SEMA6D: variants seen among roughly 807,000 people sequenced by gnomAD.
SEMA6D encodes semaphorin 6D, also known as semaphorin-6D.
SEMA6D carries 35 observed loss-of-function variants against 106.6 expected under a neutral mutation model. That is an observed-to-expected ratio of 0.33 (90% CI 0.25 to 0.44). The LOEUF is 0.44. Ranked by LOEUF, SEMA6D falls within the 20% of genes least tolerant of loss-of-function variation. SEMA6D has a pLI of 1.00. For missense variants in SEMA6D, 1,185 were observed against 1,345.9 expected (o/e 0.88, Z 1.87); for synonymous variants, 499 against 487.7 (o/e 1.02, Z -0.31).
chr15:47,608,362 T>A (rs1162978249), intron 4 of SEMA6D, among the ~76,000 whole-genome samples: 1 of 152,192 alleles, frequency 6.6e-6, no homozygotes, highest in Non-Finnish European at 1.5e-5. Context: ...GGGATGGTTT[T>A]ACTTTTAGAG....
intron 1 of SEMA6D, chr15:47,730,628 T>A (rs931114785): frequency 1.0e-5 from 16 of 1,584,368 alleles, no homozygotes; most frequent in Non-Finnish European, 1.4e-5. Flanking sequence ...TTGCTTTGTC[T>A]CTGGTCTGTA....
intron 1 of SEMA6D, among the ~76,000 whole-genome samples, chr15:47,340,565 A>C (rs546632284): frequency 5.9e-5 from 9 of 152,318 alleles, no homozygotes; most frequent in African/African-American, 2.2e-4. Context: ...CATAGTTAAA[A>C]AAAATCATTC....
chr15:47,547,342 G>A (rs774772124), intron 3 of SEMA6D, among the ~76,000 whole-genome samples: 32 of 152,114 alleles, frequency 2.1e-4, no homozygotes, highest in Non-Finnish European at 4.3e-4. Flanking sequence ...GAAAATTGTT[G>A]TGAGGCTTAA....
At chr15:47,273,994 G>A (rs1268017359) in intron 1 of SEMA6D, among the ~76,000 whole-genome samples, 1 of 152,080 alleles carries the variant, frequency 6.6e-6, no homozygotes, top group East Asian at 1.9e-4. Flanking sequence ...GAAATGTACT[G>A]ACCTCTTTGT....
At chr15:47,658,586 T>C (rs2145137375) in intron 4 of SEMA6D, among the ~76,000 whole-genome samples, 1 of 152,314 alleles carries the variant, frequency 6.6e-6, no homozygotes, top group East Asian at 1.9e-4. Context: ...TGGACAAAGG[T>C]ACTTGTGTCC....
chr15:47,722,346 A>G (rs73394828), intron 1 of SEMA6D, among the ~76,000 whole-genome samples: 3,983 of 152,294 alleles, frequency 0.026, 183 homozygotes, highest in African/African-American at 0.092. Flanking sequence ...AGATAGAAAA[A>G]AGACCTTTTT....
intron 1 of SEMA6D, among the ~76,000 whole-genome samples, chr15:47,238,037 A>G (rs780113866): frequency 5.5e-5 from 8 of 145,094 alleles, no homozygotes; most frequent in African/African-American, 2.0e-4. Flanking sequence ...ATTTATTGAT[A>G]ATGATGATGA....
chr15:47,465,308 G>T (rs1385187113), intron 2 of SEMA6D, among the ~76,000 whole-genome samples: 1 of 151,950 alleles, frequency 6.6e-6, no homozygotes, highest in Non-Finnish European at 1.5e-5. Context: ...ACTATTAATT[G>T]GTTCTTAATA....
chr15:47,742,815 A>G (rs1287055882), intron 1 of SEMA6D, among the ~76,000 whole-genome samples: 1 of 152,116 alleles, frequency 6.6e-6, no homozygotes, highest in Non-Finnish European at 1.5e-5. Context: ...TGTATCCTTC[A>G]TACAAAGGAC....
chr15:47,578,542 A>G (rs2076197632), intron 3 of SEMA6D, among the ~76,000 whole-genome samples: 1 of 152,256 alleles, frequency 6.6e-6, no homozygotes, highest in Non-Finnish European at 1.5e-5. Flanking sequence ...TAGAAAACGT[A>G]TAATAACACT....
chr15:47,599,537 A>G (rs530023156), intron 3 of SEMA6D, among the ~76,000 whole-genome samples: 1 of 152,182 alleles, frequency 6.6e-6, no homozygotes, highest in Non-Finnish European at 1.5e-5. Context: ...ATGGATTTAG[A>G]GATGATAATA....
rs1050037823 is a variant in SEMA6D, at chr15:47,498,164, A to G, written c.-87+27619A>G. On this transcript the variant is annotated intron_variant, in intron 3 of 19. Transcript: ENST00000558014. ...TTTTAACAAAGCTACTGCCTACAAC[A>G]CCACTTTAAGATCATGCATTTCTAT... Among the ~76,000 whole-genome samples, 12 of 152,232 alleles carry G rather than the reference A, an allele frequency of 7.9e-5. No individual in the cohort carries two copies. In the South Asian group the frequency reaches 1.5e-3, roughly 18 times the overall value.
intron 4 of SEMA6D, among the ~76,000 whole-genome samples, chr15:47,626,501 A>C (rs1268852894): frequency 6.6e-6 from 1 of 152,168 alleles, no homozygotes; most frequent in African/African-American, 2.4e-5. Context: ...ACTTGGAGAA[A>C]CTGAGGACAT....
chr15:47,563,855 C>G (rs1415647260), intron 3 of SEMA6D, among the ~76,000 whole-genome samples: 1 of 152,160 alleles, frequency 6.6e-6, no homozygotes, highest in Non-Finnish European at 1.5e-5. Context: ...GTGCCTTTCC[C>G]AAAGATAACT....
chr15:47,539,174 A>G (rs2045275700), intron 3 of SEMA6D, among the ~76,000 whole-genome samples: 1 of 152,170 alleles, frequency 6.6e-6, no homozygotes, highest in Non-Finnish European at 1.5e-5. Flanking sequence ...ATTTTATTTC[A>G]AAGTCTTTCC....
At chr15:47,256,910 T>C (rs1262668013) in intron 1 of SEMA6D, among the ~76,000 whole-genome samples, 2 of 152,180 alleles carry the variant, frequency 1.3e-5, no homozygotes, top group Non-Finnish European at 2.9e-5. Flanking sequence ...TATATTTATT[T>C]GAAGTTTCTA....
chr15:47,302,363 A>G (rs1203604247), intron 1 of SEMA6D, among the ~76,000 whole-genome samples: 2 of 152,188 alleles, frequency 1.3e-5, no homozygotes, highest in Non-Finnish European at 2.9e-5. Flanking sequence ...CTTTTCTTAT[A>G]CAATTTAGAT....
chr15:47,696,742 T>C (rs995935897), intron 4 of SEMA6D, among the ~76,000 whole-genome samples: 3 of 152,192 alleles, frequency 2.0e-5, no homozygotes, highest in African/African-American at 7.2e-5. Flanking sequence ...ACACAGGCAG[T>C]GACACAGCTG....
intron 3 of SEMA6D, among the ~76,000 whole-genome samples, chr15:47,511,227 C>G (rs1405094077): frequency 6.6e-6 from 1 of 152,108 alleles, no homozygotes; most frequent in Non-Finnish European, 1.5e-5. Flanking sequence ...ATTCCTCATA[C>G]TTGTTGGGAA....
Sources: gnomAD v4.1 joint callset for allele counts (sites outside exome capture counted in the v4.1 genomes callset) on GRCh38, gnomAD v4.1.1 for gene constraint, MANE v1.5 for transcripts, NCBI Gene and HGNC (gene_info 2026-07-23, HGNC 2026-07-21) for gene names.